Variants in AKR1E2 observed in about 807,000 individuals in gnomAD.
The protein encoded by AKR1E2 is 1,5-anhydro-D-fructose reductase.
AKR1E2 carries 43 observed loss-of-function variants against 41.9 expected under a neutral mutation model. That is an observed-to-expected ratio of 1.03 (90% CI 0.80 to 1.32). The LOEUF (loss-of-function observed/expected upper bound fraction) is 1.32. Among genes scored for constraint, AKR1E2 ranks in the 40% most tolerant of loss-of-function variants. The probability of loss-of-function intolerance (pLI) is 0.00; values close to 1 mark genes in which losing one functional copy is unlikely to be tolerated. For missense variants in AKR1E2, 423 were observed against 396.5 expected, an observed-to-expected ratio of 1.07 and a Z score of -0.57; for synonymous variants, 121 against 138.9, an observed-to-expected ratio of 0.87 and a Z score of 0.91.
chr10:4,846,263 G>A (rs12571199), intron 8 of AKR1E2: 6,083 of 174,286 alleles, frequency 0.035, 169 homozygotes, highest in East Asian at 0.11. Context: ...CCCTCCTCCC[G>A]CCGCAAGACA....
chr10:4,828,556 TC>T (rs1240549867), intron 1 of AKR1E2, among the ~76,000 whole-genome samples: 1 of 152,200 alleles, frequency 6.6e-6, no homozygotes, highest in Non-Finnish European at 1.5e-5. Context: ...CACCTTACTC[TC>T]CACTGTAAGT....
chr10:4,839,060 C>G (rs1833664283), intron 5 of AKR1E2, among the ~76,000 whole-genome samples: 1 of 152,184 alleles, frequency 6.6e-6, no homozygotes, highest in Admixed American at 6.5e-5. Flanking sequence ...CACTAAATAA[C>G]TATTTATTTT....
intron 4 of AKR1E2, among the ~76,000 whole-genome samples, chr10:4,836,427 C>T (rs1833426195): frequency 6.6e-6 from 1 of 152,170 alleles, no homozygotes; most frequent in Non-Finnish European, 1.5e-5. Context: ...GGGTGGGTCT[C>T]AGGCTTGGGC....
chr10:4,867,041 G>T, the AKR1E2 span, among the ~76,000 whole-genome samples: 2 of 152,060 alleles, frequency 1.3e-5, no homozygotes, highest in Admixed American at 1.3e-4. Context: ...TCCTACAAAG[G>T]CAAATCTAGT....
At chr10:4,849,726 C>T (rs1207714272), downstream of AKR1E2, among the ~76,000 whole-genome samples, 2 of 152,150 alleles carry the variant, frequency 1.3e-5, no homozygotes, top group African/African-American at 2.4e-5. Context: ...AACAGTAATA[C>T]GTCAGGTGTC....
At chr10:4,833,201 G>A in intron 2 of AKR1E2, 149 bp from the exon 3 acceptor site, 2 of 693,452 alleles carry the variant, frequency 2.9e-6, no homozygotes, top group Non-Finnish European at 5.2e-6. Flanking sequence ...TAATGTCCCT[G>A]TCCTCCCATC....
At chr10:4,832,135 C>G (rs1833020223) in intron 2 of AKR1E2, among the ~76,000 whole-genome samples, 2 of 151,980 alleles carry the variant, frequency 1.3e-5, no homozygotes, top group Non-Finnish European at 2.9e-5. Flanking sequence ...ACCATGAGAT[C>G]AGGAGTCATG....
the AKR1E2 span, among the ~76,000 whole-genome samples, chr10:4,856,895 T>TATTA: frequency 6.6e-6 from 1 of 150,414 alleles, no homozygotes; most frequent in South Asian, 2.1e-4. Flanking sequence ...TGTTCGGTGG[T>TATTA]ATTAAGTACA....
intron 5 of AKR1E2, 123 bp downstream of exon 5, chr10:4,837,704 G>T: frequency 7.0e-7 from 1 of 1,420,158 alleles, no homozygotes; most frequent in Non-Finnish European, 9.4e-7. Context: ...TTCTCCTCTG[G>T]CAGCACTCAG....
At chr10:4,837,431 C>T in intron 4 of AKR1E2, 28 bp from the exon 5 acceptor site, 1 of 1,611,256 alleles carries the variant, frequency 6.2e-7, no homozygotes, top group Non-Finnish European at 8.5e-7. Context: ...ACAGAAGCTT[C>T]ACACCCAGCA....
At chr10:4,843,752 G>A (rs1834072023) in intron 8 of AKR1E2, among the ~76,000 whole-genome samples, 1 of 152,244 alleles carries the variant, frequency 6.6e-6, no homozygotes, top group African/African-American at 2.4e-5. Context: ...ACCAGGGGAT[G>A]GGCAGGTTCC....
chr10:4,831,977 C>A (rs558079714), intron 2 of AKR1E2, among the ~76,000 whole-genome samples: 1 of 152,254 alleles, frequency 6.6e-6, no homozygotes, highest in African/African-American at 2.4e-5. Context: ...ATGATGAAGG[C>A]CTGCACTGGC....
chr10:4,842,753 A>G (rs1440279873), intron 8 of AKR1E2, among the ~76,000 whole-genome samples: 1 of 152,160 alleles, frequency 6.6e-6, no homozygotes, highest in Non-Finnish European at 1.5e-5. Flanking sequence ...GGAAGGAGGG[A>G]AGAGCATCTT....
chr10:4,869,466 C>G, the AKR1E2 span, among the ~76,000 whole-genome samples: 1 of 152,146 alleles, frequency 6.6e-6, no homozygotes, highest in South Asian at 2.1e-4. Flanking sequence ...TCTTTTCAAA[C>G]AACCAATTCT....
the AKR1E2 span, among the ~76,000 whole-genome samples, chr10:4,872,989 G>C: frequency 6.6e-6 from 1 of 152,104 alleles, no homozygotes; most frequent in Non-Finnish European, 1.5e-5. Context: ...ATGGCCAGTG[G>C]AAAGGCCCTA....
At chr10:4,846,808 T>G (rs1048042403) in intron 8 of AKR1E2, among the ~76,000 whole-genome samples, 2 of 152,182 alleles carry the variant, frequency 1.3e-5, no homozygotes, top group African/African-American at 4.8e-5. Context: ...CCTCCCAAAG[T>G]GCTGGGATTA....
the AKR1E2 span, among the ~76,000 whole-genome samples, chr10:4,859,922 T>C: frequency 1.3e-5 from 2 of 152,198 alleles, no homozygotes; most frequent in African/African-American, 4.8e-5. Context: ...GGAGTTGACC[T>C]GTGGGAATTG....
chr10:4,844,044 G>A (rs1834097510), intron 8 of AKR1E2, among the ~76,000 whole-genome samples: 1 of 152,234 alleles, frequency 6.6e-6, no homozygotes. Flanking sequence ...CACATGGTGT[G>A]TCCGGAATTG....
chr10:4,872,248 C>T, the AKR1E2 span, among the ~76,000 whole-genome samples: 1 of 152,086 alleles, frequency 6.6e-6, no homozygotes, highest in Admixed American at 6.6e-5. Context: ...AGGGCAGAAA[C>T]AAATTCTCTC....
Sources: gnomAD v4.1 joint callset for allele counts (sites outside exome capture counted in the v4.1 genomes callset) on GRCh38, gnomAD v4.1.1 for gene constraint, MANE v1.5 for transcripts, NCBI Gene and HGNC (gene_info 2026-07-23, HGNC 2026-07-21) for gene names.